The following SOX8 variants were observed in gnomAD, a reference collection of about 807,000 sequenced individuals.
The protein encoded by SOX8 is SRY-box transcription factor 8, also known as transcription factor SOX-8.
Under a neutral mutation model 22.9 loss-of-function variants are expected in SOX8, and 9 were observed. That is an observed-to-expected ratio of 0.39 (90% CI 0.24 to 0.69). The LOEUF (loss-of-function observed/expected upper bound fraction) is 0.69. Ranked by LOEUF, SOX8 falls within the 30% of genes least tolerant of loss-of-function variation. SOX8 has a pLI of 0.43. For synonymous variants in SOX8, 416 were observed against 330.6 expected (o/e 1.26, Z -2.80); for missense variants, 734 against 699.4 (o/e 1.05, Z -0.56).
In SOX8 at chr16:985,398, C is replaced by T. The variant is rs541380225; in HGVS notation, c.*12C>T. On this transcript the variant is annotated 3_prime_UTR_variant, in exon 3 of 3. Coordinates refer to ENST00000293894, the MANE Select transcript of SOX8 (RefSeq NM_014587.5). ...TGACCAGGCCCTGAGGGCCCAGCCG[C>T]GGGGAGGGACTCGCAGGCGTCAGGG... The T allele has an allele frequency of 6.5e-5, 98 of 1,516,344 alleles. No individual in the cohort carries two copies. The highest frequency in any genetic ancestry group is 1.0e-4 in the Admixed American group (5 of 50,116). 93.9% of individuals were successfully genotyped at this position (1,516,344 alleles called of 1,614,324 possible). A position where few individuals can be genotyped will look rare whatever the true frequency, so the allele number is the denominator to read the frequency against.
At position 985,571 on chromosome 16, in the gene SOX8, A is replaced by G; in HGVS notation, c.*185A>G. On this transcript the variant is annotated 3_prime_UTR_variant, in exon 3 of 3. Transcript: ENST00000293894. ...ATGGCCACACCTCTGCCGACGACGG[A>G]CCAGCTCCCTCTCCCTTCTATCTTT... The G allele has an allele frequency of 1.8e-6, 1 of 542,214 alleles. No homozygotes were observed. The highest frequency in any genetic ancestry group is 2.8e-5 in the South Asian group (1 of 36,048). 33.6% of individuals were successfully genotyped at this position (542,214 alleles called of 1,614,324 possible).
chr16:986,494 C>T lies in SOX8; in HGVS notation c.*1108C>T, dbSNP rs2073463496. The T allele has an allele frequency of 6.6e-6, 1 of 152,338 alleles. No homozygotes were observed. The highest frequency in any genetic ancestry group is 2.1e-4 in the South Asian group (1 of 4,832). 9.4% of individuals were successfully genotyped at this position (152,338 alleles called of 1,614,324 possible). On this transcript the variant is annotated 3_prime_UTR_variant, in exon 3 of 3. Transcript: ENST00000293894. ...TGGTAGGACACAGGACACAGGAATT[C>T]CTGGAAAGTGGTGGCTTCAGAAGTG...
chr16:984,698 C>T lies in SOX8; in HGVS notation c.656-3C>T. On this transcript the variant is annotated splice_region_variant and splice_polypyrimidine_tract_variant and intron_variant, in intron 2 of 2. Coordinates refer to ENST00000293894, the MANE Select transcript of SOX8 (RefSeq NM_014587.5). ...TCCCTGAAGCCTGCTCTCCTGTCCC[C>T]AGGGCAGACCCACGGGCCGCCCACC... 1 of 1,515,220 alleles carries T rather than the reference C, an allele frequency of 6.6e-7. No homozygotes were observed. The highest frequency in any genetic ancestry group is 1.3e-5 in the South Asian group (1 of 79,828). 93.9% of individuals were successfully genotyped at this position (1,515,220 alleles called of 1,614,324 possible).
chr16:982,466 T>G (rs1364573646), intron 1 of SOX8, 122 bp downstream of exon 1: 1 of 1,069,810 alleles, frequency 9.3e-7, no homozygotes, highest in East Asian at 3.2e-5. Context: ...GGCTCCGGGC[T>G]CTGCACCCCG....
chr16:984,944 G>T lies in SOX8; in HGVS notation c.899G>T (p.Gly300Val). 6.2e-7 allele frequency: 1 copy of T among 1,601,928 alleles called. No individual in the cohort carries two copies. The highest frequency in any genetic ancestry group is 1.1e-5 in the South Asian group (1 of 90,082). The change falls in exon 3 of 3, where the codon GGC becomes GTC. Residue 300 changes from glycine (G) to valine (V), a missense_variant. Physicochemically the swap from Gly to Val is moderately radical, Grantham distance 109. This residue lies in a region of SOX8 where 588 missense variants were observed against 568.2 expected (regional missense o/e 1.03). Coordinates refer to ENST00000293894, the MANE Select transcript of SOX8 (RefSeq NM_014587.5). ...GGCGGCCCCGCCCCACCCGAGCCGG[G>T]CCAGGCCTATGGGGGCGCCTACTTC... Reference protein sequence around the residue: ...PLGGPAPPEPGQAYGGAYFHA... With the variant: ...PLGGPAPPEPVQAYGGAYFHA...
Position 985,469 on chromosome 16 carries a change from C to A in SOX8, c.*83C>A. Reference sequence around the variant, plus strand: ...GTGTGTGTGACCAGGGCGGGAGGGGCCCCAGTGGCTGAGCTCCAAGTGCCT... The same window carrying A: ...GTGTGTGTGACCAGGGCGGGAGGGGACCCAGTGGCTGAGCTCCAAGTGCCT... On this transcript the variant is annotated 3_prime_UTR_variant, in exon 3 of 3. Coordinates refer to ENST00000293894, the MANE Select transcript of SOX8 (RefSeq NM_014587.5). 1 of 1,176,376 alleles carries A rather than the reference C, an allele frequency of 8.5e-7. No individual in the cohort carries two copies. The highest frequency in any genetic ancestry group is 1.2e-6 in the Non-Finnish European group (1 of 868,712). 72.9% of individuals were successfully genotyped at this position (1,176,376 alleles called of 1,614,324 possible). A position where few individuals can be genotyped will look rare whatever the true frequency, so the allele number is the denominator to read the frequency against.
Position 985,053 on chromosome 16 carries a change from G to T in SOX8, c.1008G>T (p.Pro336=). The T allele has an allele frequency of 1.3e-6, 2 of 1,578,578 alleles. No individual in the cohort carries two copies. Among genetic ancestry groups the T allele is most frequent in the Non-Finnish European group, 1.7e-6 (2 of 1,170,332 alleles). ...ASPTETGPPR[P]HIKTEQPSPG... The stretch of plus-strand genomic sequence containing the variant: ...CCACCGAGACGGGTCCCCCACGGCC[G>T]CACATCAAGACGGAGCAGCCGAGCC... The change falls in exon 3 of 3, where the codon CCG becomes CCT. Residue 336 remains proline, a synonymous_variant. Coordinates refer to ENST00000293894, the MANE Select transcript of SOX8 (RefSeq NM_014587.5).
At position 982,226 on chromosome 16, in the gene SOX8, G is replaced by A. The variant is rs1297644227; in HGVS notation, c.304G>A (p.Val102Met). 1 of 1,546,518 alleles carries A rather than the reference G, an allele frequency of 6.5e-7. No individual in the cohort carries two copies. ...GGGALKAKPH[V>M]KRPMNAFMVW... is the part of the protein sequence containing the mutation. ...CGGCGCGCTCAAAGCCAAGCCGCAT[G>A]TGAAGCGGCCCATGAACGCATTCAT... The change falls in exon 1 of 3, where the codon GTG becomes ATG. Residue 102 changes from valine (V) to methionine (M), a missense_variant. Physicochemically the swap from Val to Met is conservative, Grantham distance 21 (BLOSUM62 1). Around this residue, in one of 3 missense-constraint regions of SOX8, gnomAD observed 588 missense variants for 568.2 expected, o/e 1.03. Coordinates refer to ENST00000293894, the MANE Select transcript of SOX8 (RefSeq NM_014587.5).
rs574626715 is a variant in SOX8 at position 986,236 on chromosome 16, T to G, written c.*850T>G. 7 of 152,006 alleles carry G rather than the reference T, an allele frequency of 4.6e-5. No homozygotes were observed. The highest frequency in any genetic ancestry group is 2.1e-4 in the South Asian group (1 of 4,800). The allele number at this position is 152,006 out of a possible 1,614,324, so 9.4% of individuals were successfully genotyped here. On this transcript the variant is annotated 3_prime_UTR_variant, in exon 3 of 3. Transcript: ENST00000293894. ...GAGGCCGCCCTGGAGGGCCCGGAGG[T>G]CCCAAGGTCCCTGGGAGGACTGGGC...
chr16:985,468 G>T lies in SOX8; in HGVS notation c.*82G>T, dbSNP rs1413624255. On this transcript the variant is annotated 3_prime_UTR_variant, in exon 3 of 3. Coordinates refer to ENST00000293894, the MANE Select transcript of SOX8 (RefSeq NM_014587.5). ...AGTGTGTGTGACCAGGGCGGGAGGGGCCCCAGTGGCTGAGCTCCAAGTGCC... is the reference window on the plus strand; with the variant it reads ...AGTGTGTGTGACCAGGGCGGGAGGGTCCCCAGTGGCTGAGCTCCAAGTGCC... The T allele has an allele frequency of 4.2e-6, 5 of 1,181,680 alleles. No homozygotes were observed. Among genetic ancestry groups the T allele is most frequent in the Admixed American group, 5.8e-5 (2 of 34,528 alleles). 73.2% of individuals were successfully genotyped at this position (1,181,680 alleles called of 1,614,324 possible). A position where few individuals can be genotyped will look rare whatever the true frequency, so the allele number is the denominator to read the frequency against.
In SOX8 at chr16:983,732, C is replaced by T; in HGVS notation, c.427C>T (p.Leu143=). The T allele has an allele frequency of 6.2e-7, 1 of 1,611,786 alleles. No homozygotes were observed. Among genetic ancestry groups the T allele is most frequent in the South Asian group, 1.1e-5 (1 of 90,898 alleles). ...SKTLGKLWRL[L]SESEKRPFVE... ...TGCCTCTGCCCTGTGCTGCAGCTTG[C>T]TGAGCGAGAGCGAGAAGCGGCCCTT... is the stretch of plus-strand genomic sequence containing the variant. The change falls in exon 2 of 3, where the codon CTG becomes TTG. Residue 143 remains leucine (L), a synonymous_variant. Coordinates refer to ENST00000293894, the MANE Select transcript of SOX8 (RefSeq NM_014587.5).
intron 2 of SOX8, among the ~76,000 whole-genome samples, chr16:984,261 C>T (rs541093329): frequency 2.3e-3 from 345 of 152,372 alleles, no homozygotes; most frequent in Non-Finnish European, 4.1e-3. Flanking sequence ...CACCGAGCTG[C>T]TGCCCACACG....
chr16:985,282 C>A lies in SOX8; in HGVS notation c.1237C>A (p.Arg413=), dbSNP rs753633511. ...GTACCCCTGCTTCCACTCGCCGCGC[C>A]GGCCCTACGCCTCACCCCTGCTCAA... ...YQYPCFHSPR[R]PYASPLLNGL... is the part of the protein sequence containing the mutation. Residue 413 remains arginine (R), a synonymous_variant, in exon 3 of 3, where the codon CGG becomes AGG. Coordinates refer to ENST00000293894, the MANE Select transcript of SOX8 (RefSeq NM_014587.5). 3 of 1,611,100 alleles carry A rather than the reference C, an allele frequency of 1.9e-6. No individual in the cohort carries two copies. Among genetic ancestry groups the A allele is most frequent in the South Asian group, 1.1e-5 (1 of 91,052 alleles).
At position 982,138 on chromosome 16, in the gene SOX8, G is replaced by A; in HGVS notation, c.216G>A (p.Val72=). The A allele has an allele frequency of 1.4e-6, 2 of 1,436,076 alleles. No homozygotes were observed. Among genetic ancestry groups the A allele is most frequent in the East Asian group, 3.0e-5 (1 of 33,186 alleles). The allele number at this position is 1,436,076 out of a possible 1,614,324, so 89.0% of individuals were successfully genotyped here. ...ERFPACIRDA[V]SQVLKGYDWS... ...TCCCGGCCTGCATCCGCGACGCCGT[G>A]TCGCAGGTGCTCAAGGGCTACGACT... The change falls in exon 1 of 3, where the codon GTG becomes GTA. Residue 72 remains valine (V), a synonymous_variant. Coordinates refer to ENST00000293894, the MANE Select transcript of SOX8 (RefSeq NM_014587.5).
intron 2 of SOX8, among the ~76,000 whole-genome samples, chr16:984,421 C>A (rs11248960): frequency 5.9e-5 from 9 of 151,984 alleles, no homozygotes; most frequent in African/African-American, 2.2e-4. Flanking sequence ...CCCTGTAAAC[C>A]CCAGCTCTGG....
chr16:984,528 G>T (rs1337908856), intron 2 of SOX8, among the ~76,000 whole-genome samples, 173 bp from the exon 3 acceptor site: 2 of 152,216 alleles, frequency 1.3e-5, no homozygotes, highest in African/African-American at 4.8e-5. Flanking sequence ...TTTCTCGGCC[G>T]AGGAGTGAGG....
At chr16:983,639 C>T (rs2073428942) in intron 1 of SOX8, 89 bp from the exon 2 acceptor site, 5 of 1,264,690 alleles carry the variant, frequency 4.0e-6, no homozygotes, top group South Asian at 2.9e-5. Flanking sequence ...CTGGCCCCGG[C>T]CTCTGCTGCC....
chr16:985,235 G>C lies in SOX8; in HGVS notation c.1190G>C (p.Gly397Ala). ...QASSYYGAYP[G>A]YAPGLYQYPC... ...TCCAGCTACTATGGTGCCTACCCTG[G>C]CTACGCACCCGGCCTCTACCAGTAC... The change falls in exon 3 of 3, where the codon GGC becomes GCC. Residue 397 changes from glycine to alanine, a missense_variant. By Grantham distance (60) the Gly-to-Ala change is moderately conservative. This residue lies in a region of SOX8 where 588 missense variants were observed against 568.2 expected (regional missense o/e 1.03). Coordinates refer to ENST00000293894, the MANE Select transcript of SOX8 (RefSeq NM_014587.5). 6.2e-7 allele frequency: 1 copy of C among 1,612,114 alleles called. No individual in the cohort carries two copies. Among genetic ancestry groups the C allele is most frequent in the South Asian group, 1.1e-5 (1 of 91,078 alleles).
rs371404675 is a variant in SOX8 at position 985,429 on chromosome 16, C to G, written c.*43C>G. 5 of 1,445,598 alleles carry G rather than the reference C, an allele frequency of 3.5e-6. No homozygotes were observed. In the African/African-American group the frequency reaches 4.2e-5, roughly 12 times the overall value. 89.5% of individuals were successfully genotyped at this position (1,445,598 alleles called of 1,614,324 possible). A position where few individuals can be genotyped will look rare whatever the true frequency, so the allele number is the denominator to read the frequency against. On this transcript the variant is annotated 3_prime_UTR_variant, in exon 3 of 3. Coordinates refer to ENST00000293894, the MANE Select transcript of SOX8 (RefSeq NM_014587.5). The stretch of plus-strand genomic sequence containing the variant: ...GGGACTCGCAGGCGTCAGGGGGCAG[C>G]CTTGTCCCGGCCCAGTGTGTGTGAC...
Sources: gnomAD v4.1 joint callset for allele counts (sites outside exome capture counted in the v4.1 genomes callset) on GRCh38, gnomAD v4.1.1 for gene constraint, gnomAD v4.1.1 regional missense constraint, MANE v1.5 for transcripts, NCBI Gene and HGNC (gene_info 2026-07-23, HGNC 2026-07-21) for gene names.